ARHGAP31: variants seen among roughly 807,000 people sequenced by gnomAD.
The protein encoded by ARHGAP31 is Rho GTPase activating protein 31.
A neutral mutation model predicts 113.9 loss-of-function variants in ARHGAP31; 34 were observed. The observed-to-expected ratio is 0.30, with a 90% confidence interval of 0.23 to 0.40. ARHGAP31 has a LOEUF of 0.40. ARHGAP31 is among the 10% of genes least tolerant of loss of function. The pLI, the probability that ARHGAP31 is intolerant of heterozygous loss-of-function variation, is 1.00. For missense variants in ARHGAP31, 1,548 were observed against 1,767.1 expected (o/e 0.88, Z 2.22); for synonymous variants, 650 against 684.8 (o/e 0.95, Z 0.79).
chr3:119,303,638 C>G (rs1025656534), intron 1 of ARHGAP31, among the ~76,000 whole-genome samples: 1 of 152,156 alleles, frequency 6.6e-6, no homozygotes, highest in Non-Finnish European at 1.5e-5. Context: ...CAACATATAC[C>G]AGCTCTCGCT....
intron 1 of ARHGAP31, among the ~76,000 whole-genome samples, chr3:119,318,747 A>C (rs2079756334): frequency 1.3e-5 from 2 of 152,218 alleles, no homozygotes; most frequent in African/African-American, 4.8e-5. Context: ...TCTCGCTTAT[A>C]ATTATTTTGA....
intron 1 of ARHGAP31, among the ~76,000 whole-genome samples, chr3:119,355,046 G>T (rs1404312477): frequency 3.3e-5 from 5 of 152,202 alleles, no homozygotes; most frequent in Non-Finnish European, 2.9e-5. Context: ...GCCACTATAG[G>T]ACCTGCCTTC....
intron 4 of ARHGAP31, among the ~76,000 whole-genome samples, 160 bp from the exon 5 acceptor site, chr3:119,382,132 A>T (rs2080406455): frequency 6.6e-6 from 1 of 152,216 alleles, no homozygotes; most frequent in Non-Finnish European, 1.5e-5. Flanking sequence ...CCTAGGGCCA[A>T]GAAAATTACT....
At chr3:119,321,269 T>C (rs1326554189) in intron 1 of ARHGAP31, among the ~76,000 whole-genome samples, 2 of 125,806 alleles carry the variant, frequency 1.6e-5, no homozygotes. Flanking sequence ...ATTTCACATA[T>C]ATATATATAC....
chr3:119,403,210 A>G (rs937196736), intron 10 of ARHGAP31, among the ~76,000 whole-genome samples: 1 of 152,348 alleles, frequency 6.6e-6, no homozygotes, highest in African/African-American at 2.4e-5. Context: ...AGTCATTTTC[A>G]GCACCTATTA....
intron 6 of ARHGAP31, among the ~76,000 whole-genome samples, chr3:119,388,022 CAG>C (rs1196710811): frequency 6.6e-6 from 1 of 152,006 alleles, no homozygotes; most frequent in Non-Finnish European, 1.5e-5. Flanking sequence ...GTTCCAAAGA[CAG>C]AGAACAGAGG....
At chr3:119,394,202 G>A (rs961150655) in intron 8 of ARHGAP31, among the ~76,000 whole-genome samples, 7 of 152,176 alleles carry the variant, frequency 4.6e-5, no homozygotes, top group Non-Finnish European at 7.3e-5. Flanking sequence ...ATCTTATTGC[G>A]TGTGAAGAGA....
At chr3:119,340,692 T>C (rs2080000128) in intron 1 of ARHGAP31, among the ~76,000 whole-genome samples, 1 of 152,194 alleles carries the variant, frequency 6.6e-6, no homozygotes, top group Admixed American at 6.5e-5. Flanking sequence ...CCCAGCCTAG[T>C]GCGCAGTGTG....
In ARHGAP31 at chr3:119,382,394, C is replaced by T. The variant is rs752882210; in HGVS notation, c.534C>T (p.Leu178=). ...TGGCCCTGGTGTGGGCGCCAAACCT[C>T]CTCAGGTAACCACTCTACCCTCCCC... ...RNLALVWAPN[L]LRSKEIEATG... is the part of the protein sequence containing the mutation. The change falls in exon 5 of 12, where the codon CTC becomes CTT. Residue 178 remains leucine (L), a synonymous_variant. Transcript: ENST00000264245. 5 of 1,613,872 alleles carry T rather than the reference C, an allele frequency of 3.1e-6. No individual in the cohort carries two copies. The highest frequency in any genetic ancestry group is 4.2e-6 in the Non-Finnish European group (5 of 1,179,856).
chr3:119,415,783 G>C lies in ARHGAP31; in HGVS notation c.3854G>C (p.Gly1285Ala). ...GCCACTGCACCCTGCATGTGCGAGG[G>C]ACCTACCCTTTCTCCAGAACCAGGC... ...VDATAPCMCE[G>A]PTLSPEPGSS... The change falls in exon 12 of 12, where the codon GGA (glycine) becomes GCA (alanine). Residue 1285 changes from glycine (G) to alanine (A), a missense_variant. Physicochemically the swap from Gly to Ala is moderately conservative, Grantham distance 60. Transcript: ENST00000264245. The C allele has an allele frequency of 6.2e-7, 1 of 1,614,200 alleles. No homozygotes were observed.
rs2107597954 is a variant in ARHGAP31 at position 119,312,203 on chromosome 3, G to A, written c.100+17199G>A. ...CCTTTTTGTTGGTTTTGTTGTAGCT[G>A]TTGAGAAAAAATTGGACCCCCATCA... On this transcript the variant is annotated intron_variant, in intron 1 of 11. Coordinates refer to ENST00000264245, the MANE Select transcript of ARHGAP31 (RefSeq NM_020754.4). Among the ~76,000 whole-genome samples the A allele has an allele frequency of 2.6e-5, 4 of 152,344 alleles. No homozygotes were observed. The South Asian group carries it at 8.3e-4, about 32-fold the overall frequency.
chr3:119,335,516 C>T (rs1418752064), intron 1 of ARHGAP31, among the ~76,000 whole-genome samples: 3 of 152,120 alleles, frequency 2.0e-5, no homozygotes, highest in Non-Finnish European at 2.9e-5. Flanking sequence ...TGTGGAAATG[C>T]GTTCTCCTTG....
At chr3:119,394,368 G>A (rs2080529862) in intron 8 of ARHGAP31, among the ~76,000 whole-genome samples, 2 of 152,112 alleles carry the variant, frequency 1.3e-5, no homozygotes, top group Non-Finnish European at 2.9e-5. Context: ...CCCCAGGGTC[G>A]TGATTTTTAA....
chr3:119,315,213 A>G (rs771837352), intron 1 of ARHGAP31, among the ~76,000 whole-genome samples: 3 of 152,262 alleles, frequency 2.0e-5, no homozygotes, highest in African/African-American at 4.8e-5. Context: ...ATGAACATGT[A>G]TAATAATGTT....
intron 3 of ARHGAP31, 51 bp downstream of exon 3, chr3:119,368,567 C>T: frequency 1.2e-6 from 2 of 1,602,654 alleles, no homozygotes; most frequent in East Asian, 2.2e-5. Flanking sequence ...CATGGATGGG[C>T]CAAGAAGAGT....
intron 1 of ARHGAP31, among the ~76,000 whole-genome samples, chr3:119,351,598 C>T (rs1391996727): frequency 6.6e-6 from 1 of 150,598 alleles, no homozygotes; most frequent in Non-Finnish European, 1.5e-5. Context: ...CATAAGCACC[C>T]ATGAGGTATG....
intron 3 of ARHGAP31, 98 bp downstream of exon 3, chr3:119,368,614 T>C (rs572014562): frequency 6.9e-7 from 1 of 1,449,668 alleles, no homozygotes; most frequent in East Asian, 2.3e-5. Flanking sequence ...ACTCACCAGA[T>C]GGTTGACATT....
chr3:119,319,325 A>G (rs2079762195), intron 1 of ARHGAP31, among the ~76,000 whole-genome samples: 1 of 151,764 alleles, frequency 6.6e-6, no homozygotes, highest in African/African-American at 2.4e-5. Context: ...TCATACAAAT[A>G]TTTATGTTGG....
chr3:119,348,852 G>A (rs1291258486), intron 1 of ARHGAP31, among the ~76,000 whole-genome samples: 1 of 152,044 alleles, frequency 6.6e-6, no homozygotes, highest in East Asian at 1.9e-4. Context: ...CTGTATATCT[G>A]GTGAAAATTA....
Sources: allele counts gnomAD v4.1 joint callset (sites outside exome capture counted in the v4.1 genomes callset), GRCh38; gene constraint gnomAD v4.1.1; transcripts MANE v1.5; gene names NCBI Gene and HGNC (gene_info 2026-07-23, HGNC 2026-07-21).